Variants in TMEM140 observed in about 807,000 individuals in gnomAD.
TMEM140 encodes the protein transmembrane protein 140.
For missense variants in TMEM140, 236 were observed against 228.5 expected, an observed-to-expected ratio of 1.03 and a Z score of -0.21; for synonymous variants, 107 against 106.8, an observed-to-expected ratio of 1.00 and a Z score of -0.01.
intron 1 of TMEM140, among the ~76,000 whole-genome samples, chr7:135,150,558 G>C (rs1248504260): frequency 6.6e-6 from 1 of 152,130 alleles, no homozygotes; most frequent in Non-Finnish European, 1.5e-5. Context: ...CGAAGTGGGT[G>C]GCAAATTGCC....
chr7:135,148,752 A>C (rs1161114585), intron 1 of TMEM140, among the ~76,000 whole-genome samples: 1 of 152,176 alleles, frequency 6.6e-6, no homozygotes, highest in Admixed American at 6.5e-5. Context: ...CAACAGAAAA[A>C]CTTGTGTTCT....
chr7:135,158,157 G>A (rs1395012667), intron 1 of TMEM140, among the ~76,000 whole-genome samples: 2 of 152,026 alleles, frequency 1.3e-5, no homozygotes, highest in African/African-American at 4.8e-5. Context: ...TGGCACCTTG[G>A]GCCTGTGACC....
At chr7:135,160,132 CAGTGTAAAACAAT>C (rs1252557244) in intron 1 of TMEM140, among the ~76,000 whole-genome samples, 3 of 152,176 alleles carry the variant, frequency 2.0e-5, no homozygotes, top group African/African-American at 4.8e-5. Flanking sequence ...GTAATCCCAA[CAGTGTAAAACAAT>C]AGTGTAAAAA....
At chr7:135,156,031 T>A in intron 1 of TMEM140, among the ~76,000 whole-genome samples, 1 of 113,568 alleles carries the variant, frequency 8.8e-6, no homozygotes, top group East Asian at 2.1e-4. Flanking sequence ...ACAGACACAC[T>A]GTTTTTTTTT....
At chr7:135,160,854 AGT>A (rs2117459949) in intron 1 of TMEM140, among the ~76,000 whole-genome samples, 1 of 152,350 alleles carries the variant, frequency 6.6e-6, no homozygotes, top group Admixed American at 6.5e-5. Context: ...GCTAAACCAG[AGT>A]GTGGGCTGAA....
At position 135,161,789 on chromosome 7, in the gene TMEM140, G is replaced by T. The variant is rs991298236; in HGVS notation, c.-24-2629G>T. On this transcript the variant is annotated intron_variant, in intron 1 of 1. Coordinates refer to ENST00000275767, the MANE Select transcript of TMEM140 (RefSeq NM_018295.5). This position sits in a 1 kb window ranked among gnomAD's most constrained non-coding sequence, Gnocchi z 4.1. Reference sequence around the variant, plus strand: ...TGGGACCTCCAGAGCCTTTGACAGTGCCACCCAAGGCAGCAGCCAGGGCTT... The same window carrying T: ...TGGGACCTCCAGAGCCTTTGACAGTTCCACCCAAGGCAGCAGCCAGGGCTT... 6.6e-6 allele frequency among the ~76,000 whole-genome samples: 1 copy of T among 152,156 alleles called. No homozygotes were observed. The highest frequency in any genetic ancestry group is 2.4e-5 in the African/African-American group (1 of 41,446).
chr7:135,158,818 G>C (rs1829858519), intron 1 of TMEM140, among the ~76,000 whole-genome samples: 1 of 152,200 alleles, frequency 6.6e-6, no homozygotes, highest in African/African-American at 2.4e-5. Context: ...CTCCCTCCTT[G>C]AAGCAGCTCG....
intron 1 of TMEM140, among the ~76,000 whole-genome samples, chr7:135,160,570 T>C (rs1585354808): frequency 2.0e-5 from 3 of 152,118 alleles, no homozygotes; most frequent in Admixed American, 6.5e-5. Flanking sequence ...ATTCTGTCCA[T>C]AGTTCAACAG....
intron 1 of TMEM140, among the ~76,000 whole-genome samples, chr7:135,155,361 G>C (rs909281071): frequency 3.3e-5 from 5 of 152,118 alleles, no homozygotes; most frequent in Non-Finnish European, 5.9e-5. Flanking sequence ...CTTTGTTTCT[G>C]TTATATTGTT....
At position 135,151,428 on chromosome 7, in the gene TMEM140, C is replaced by A. The variant is rs141862150; in HGVS notation, c.-25+3158C>A. Reference sequence around the variant, plus strand: ...TGTGTTCCACCAGAAATATTTTAGCCAGGACTGGTGGCCTCTGACAAGTAA... The same window carrying A: ...TGTGTTCCACCAGAAATATTTTAGCAAGGACTGGTGGCCTCTGACAAGTAA... On this transcript the variant is annotated intron_variant, in intron 1 of 1. Coordinates refer to ENST00000275767, the MANE Select transcript of TMEM140 (RefSeq NM_018295.5). The surrounding 1 kb of genome is among the most constrained non-coding windows in gnomAD (Gnocchi z 4.3). Among the ~76,000 whole-genome samples the A allele has an allele frequency of 4.6e-5, 7 of 152,312 alleles. No homozygotes were observed. The highest frequency in any genetic ancestry group is 7.4e-5 in the Non-Finnish European group (5 of 68,026).
chr7:135,164,749 T>G lies in TMEM140; in HGVS notation c.308T>G (p.Leu103Arg), dbSNP rs575323338. 1.2e-6 allele frequency: 2 copies of G among 1,614,196 alleles called. No individual in the cohort carries two copies. The highest frequency in any genetic ancestry group is 2.2e-5 in the South Asian group (2 of 91,088). Residue 103 changes from leucine to arginine, a missense_variant, in exon 2 of 2, where the codon CTA becomes CGA. Physicochemically the swap from Leu to Arg is moderately radical, Grantham distance 102 (BLOSUM62 -2). Coordinates refer to ENST00000275767, the MANE Select transcript of TMEM140 (RefSeq NM_018295.5). ...LTLFAPQPLL[L>R]AQCNSDERAW... ...CTCTTTGCCCCCCAGCCTCTCCTCC[T>G]AGCCCAGTGCAACAGTGATGAGAGA...
Position 135,165,187 on chromosome 7 carries a change from AG to A in TMEM140, c.*189del, listed in dbSNP as rs1383065553. 3.4e-6 allele frequency: 2 copies of A among 594,742 alleles called. No individual in the cohort carries two copies. The highest frequency in any genetic ancestry group is 1.9e-5 in the African/African-American group (1 of 53,884). The allele number at this position is 594,742 out of a possible 1,614,324, so 36.8% of individuals were successfully genotyped here. On this transcript the variant is annotated 3_prime_UTR_variant, in exon 2 of 2. Coordinates refer to ENST00000275767, the MANE Select transcript of TMEM140 (RefSeq NM_018295.5). ...GCAGCCAGGGCACCTGTGACTTCTTAGTACAAGATTGTCTGTCCTTCAGGAC... is the reference window on the plus strand; with the variant it reads ...GCAGCCAGGGCACCTGTGACTTCTTATACAAGATTGTCTGTCCTTCAGGAC...
At chr7:135,164,217 A>C (rs1164004385) in intron 1 of TMEM140, among the ~76,000 whole-genome samples, 2 of 152,246 alleles carry the variant, frequency 1.3e-5, no homozygotes, top group African/African-American at 2.4e-5. Flanking sequence ...TCCTGACCTC[A>C]AATCAGAGGG....
In TMEM140 at chr7:135,162,585, T is replaced by C. The variant is rs142481784; in HGVS notation, c.-24-1833T>C. The stretch of plus-strand genomic sequence containing the variant: ...TTACATGGCAGCAGGCAAGAGAACA[T>C]GTGCAGGGGAAATGCCCTTTATAAA... On this transcript the variant is annotated intron_variant, in intron 1 of 1. Transcript: ENST00000275767. Among the ~76,000 whole-genome samples the C allele has an allele frequency of 1.2e-3, 181 of 152,276 alleles. 1 individual carries two copies. The highest frequency in any genetic ancestry group is 4.1e-3 in the African/African-American group (169 of 41,558).
intron 1 of TMEM140, among the ~76,000 whole-genome samples, chr7:135,150,281 T>A (rs1286879648): frequency 6.6e-6 from 1 of 152,252 alleles, no homozygotes; most frequent in East Asian, 1.9e-4. Flanking sequence ...AGGCTTTCCC[T>A]GACCCTATAA....
chr7:135,162,337 C>T (rs1466942232), intron 1 of TMEM140, among the ~76,000 whole-genome samples: 1 of 152,318 alleles, frequency 6.6e-6, no homozygotes, highest in East Asian at 1.9e-4. Flanking sequence ...TCCAGGAGGC[C>T]ATTTGGTATC....
At chr7:135,150,468 T>C (rs1829641364) in intron 1 of TMEM140, among the ~76,000 whole-genome samples, 1 of 152,182 alleles carries the variant, frequency 6.6e-6, no homozygotes, top group Middle Eastern at 3.2e-3. Context: ...TGGCACTGAT[T>C]CCCCAGGGCC....
intron 1 of TMEM140, among the ~76,000 whole-genome samples, chr7:135,159,527 A>G (rs1343621961): frequency 6.6e-6 from 1 of 152,190 alleles, no homozygotes; most frequent in South Asian, 2.1e-4. Context: ...CTCCCTCCTA[A>G]GGCCCTGCTC....
At chr7:135,159,046 T>C (rs897328441) in intron 1 of TMEM140, among the ~76,000 whole-genome samples, 1 of 152,220 alleles carries the variant, frequency 6.6e-6, no homozygotes, top group Admixed American at 6.5e-5. Context: ...AAAGTTTGTT[T>C]TGGAGCCCTA....
Sources: gnomAD v4.1 joint callset for allele counts (sites outside exome capture counted in the v4.1 genomes callset) on GRCh38, gnomAD v4.1.1 for gene constraint, Gnocchi (gnomAD v3.1) non-coding constraint, MANE v1.5 for transcripts, NCBI Gene and HGNC (gene_info 2026-07-23, HGNC 2026-07-21) for gene names.